The following SLC30A3 variants were observed in gnomAD, a reference collection of about 807,000 sequenced individuals.
SLC30A3 encodes probable proton-coupled zinc antiporter SLC30A3.
Under a neutral mutation model 35.6 loss-of-function variants are expected in SLC30A3, and 20 were observed. The ratio of observed to expected loss-of-function variants is 0.56; its 90% confidence interval spans 0.39 to 0.82. The LOEUF is 0.82. Ranked by LOEUF, SLC30A3 falls within the 40% of genes least tolerant of loss-of-function variation. The probability of loss-of-function intolerance (pLI) is 0.00; values close to 1 mark genes in which losing one functional copy is unlikely to be tolerated. For missense variants in SLC30A3, 401 were observed against 530.6 expected, an observed-to-expected ratio of 0.76 and a Z score of 2.40; for synonymous variants, 217 against 224.7, an observed-to-expected ratio of 0.97 and a Z score of 0.31.
At chr2:27,264,172 G>T (rs1434254100), upstream of SLC30A3, 1 of 720,800 alleles carries the variant, frequency 1.4e-6, no homozygotes, top group African/African-American at 1.8e-5. This position sits in a 1 kb window ranked among gnomAD's most constrained non-coding sequence, Gnocchi z 6.1. Context: ...AGGGGAGCGA[G>T]TGAGCAGGGA....
chr2:27,270,111 ATC>A (rs1677669995), intron 1 of SLC30A3, among the ~76,000 whole-genome samples: 1 of 152,200 alleles, frequency 6.6e-6, no homozygotes, highest in African/African-American at 2.4e-5. Flanking sequence ...CTGAAATTTT[ATC>A]TGTTATTCCT....
upstream of SLC30A3, chr2:27,275,459 G>A (rs1374847222): frequency 8.6e-6 from 3 of 347,720 alleles, no homozygotes; most frequent in Non-Finnish European, 5.7e-6. Context: ...TCGACGCTGC[G>A]CACAAGCGCA....
chr2:27,257,021 A>G lies in SLC30A3; in HGVS notation c.778-128T>C. ...GAAGAGGGGACAGGGAACATGACTC[A>G]TGTCTGGGAGAGTCCTGGGAGGTGG... is the stretch of plus-strand genomic sequence containing the variant. On this transcript the variant is annotated intron_variant, in intron 5 of 7. Transcript: ENST00000233535. This position sits in a 1 kb window ranked among gnomAD's most constrained non-coding sequence, Gnocchi z 4.7. 1.7e-6 allele frequency: 2 copies of G among 1,143,882 alleles called. No individual in the cohort carries two copies. Among genetic ancestry groups the G allele is most frequent in the Non-Finnish European group, 2.6e-6 (2 of 766,444 alleles). The allele number at this position is 1,143,882 out of a possible 1,614,324, so 70.9% of individuals were successfully genotyped here.
At chr2:27,266,529 T>C (rs543736544), upstream of SLC30A3, among the ~76,000 whole-genome samples, 6 of 152,338 alleles carry the variant, frequency 3.9e-5, no homozygotes, top group African/African-American at 1.4e-4. Context: ...TTGTTGAAGC[T>C]AGATTCTGGG....
intron 1 of SLC30A3, among the ~76,000 whole-genome samples, chr2:27,270,034 G>T (rs1191187513): frequency 1.3e-5 from 2 of 152,116 alleles, no homozygotes; most frequent in Non-Finnish European, 2.9e-5. Flanking sequence ...AGAAAGAAGT[G>T]ATTTAAGGGC....
Position 27,258,719 on chromosome 2 carries a change from G to A in SLC30A3, c.277+34C>T, listed in dbSNP as rs1677013463. The A allele has an allele frequency of 6.2e-7, 1 of 1,611,056 alleles. No individual in the cohort carries two copies. Among genetic ancestry groups the A allele is most frequent in the African/African-American group, 1.3e-5 (1 of 74,842 alleles). On this transcript the variant is annotated intron_variant, in intron 2 of 7. Transcript: ENST00000233535. The surrounding 1 kb of genome is among the most constrained non-coding windows in gnomAD (Gnocchi z 4.0). The stretch of plus-strand genomic sequence containing the variant: ...GGAGAGTGGCTTGGGCAGGTATTTG[G>A]AGAATGGGGTTTAAGGGCTGCTCCC...
upstream of SLC30A3, among the ~76,000 whole-genome samples, chr2:27,266,215 A>C (rs1395586033): frequency 6.6e-6 from 1 of 152,118 alleles, no homozygotes; most frequent in Admixed American, 6.5e-5. Flanking sequence ...GTGAGCCACC[A>C]TGCTGGGTCA....
At position 27,257,831 on chromosome 2, in the gene SLC30A3, G is replaced by A; in HGVS notation, c.578+74C>T. The A allele has an allele frequency of 6.9e-7, 1 of 1,449,894 alleles. No individual in the cohort carries two copies. The allele number at this position is 1,449,894 out of a possible 1,614,324, so 89.8% of individuals were successfully genotyped here. A position where few individuals can be genotyped will look rare whatever the true frequency, so the allele number is the denominator to read the frequency against. On this transcript the variant is annotated intron_variant, in intron 4 of 7. Coordinates refer to ENST00000233535, the MANE Select transcript of SLC30A3 (RefSeq NM_003459.5). This position sits in a 1 kb window ranked among gnomAD's most constrained non-coding sequence, Gnocchi z 4.7. ...CTGTGTGTCTGGTGGGGAGGAGAGA[G>A]CCAGCTCTCCCATCCTGGAGGAAGA...
rs780395038 is a variant in SLC30A3 at position 27,257,992 on chromosome 2, G to A, written c.491C>T (p.Ala164Val). 1.9e-6 allele frequency: 3 copies of A among 1,614,178 alleles called. No homozygotes were observed. The highest frequency in any genetic ancestry group is 2.5e-6 in the Non-Finnish European group (3 of 1,180,002). ...WMVTGILLYL[A>V]FVRLLHSDYH... ...GTCGCTGTGCAGCAGGCGGACGAAG[G>A]CCAGGTACAGGAGGATGCCAGTGAC... The change falls in exon 4 of 8, where the codon GCC (alanine) becomes GTC (valine). Residue 164 changes from alanine (A) to valine (V), a missense_variant. This residue lies in a region of SLC30A3 where 296 missense variants were observed against 392.6 expected (regional missense o/e 0.75). Transcript: ENST00000233535. This position sits in a 1 kb window ranked among gnomAD's most constrained non-coding sequence, Gnocchi z 4.7.
In SLC30A3 at chr2:27,256,533, CCA is replaced by C; in HGVS notation, c.884-15_884-14del. ...TTGCGGGGGGTACCTGCAACCAGCACCAGTCATGCCTTACTGCTAGGGCTACT... is the reference window on the plus strand; with the variant it reads ...TTGCGGGGGGTACCTGCAACCAGCACGTCATGCCTTACTGCTAGGGCTACT... On this transcript the variant is annotated splice_polypyrimidine_tract_variant and intron_variant, in intron 6 of 7. Transcript: ENST00000233535. 1 of 1,613,910 alleles carries C rather than the reference CCA, an allele frequency of 6.2e-7. No homozygotes were observed. The highest frequency in any genetic ancestry group is 1.1e-5 in the South Asian group (1 of 91,066).
Position 27,257,320 on chromosome 2 carries a change from G to C in SLC30A3, c.611C>G (p.Pro204Arg), listed in dbSNP as rs1240974631. 10 of 1,613,352 alleles carry C rather than the reference G, an allele frequency of 6.2e-6. No individual in the cohort carries two copies. Among genetic ancestry groups the C allele is most frequent in the South Asian group, 2.2e-5 (2 of 91,012 alleles). The change falls in exon 5 of 8, where the codon CCC (proline) becomes CGC (arginine). Residue 204 changes from proline to arginine, a missense_variant. By Grantham distance (103) the Pro-to-Arg change is moderately radical. Around this residue, in one of 3 missense-constraint regions of SLC30A3, gnomAD observed 296 missense variants for 392.6 expected, o/e 0.75. Coordinates refer to ENST00000233535, the MANE Select transcript of SLC30A3 (RefSeq NM_003459.5). The surrounding 1 kb of genome is among the most constrained non-coding windows in gnomAD (Gnocchi z 4.7). ...MAFVLHQAGP[P>R]HSHGSRGAEY... is the part of the protein sequence containing the mutation. ...TGCTCCCCTAGACCCGTGGCTGTGG[G>C]GGGGCCCAGCCTGGTGCAGCACAAA...
chr2:27,258,074 G>C lies in SLC30A3; in HGVS notation c.425-16C>G. ...CCCAGAGTCTCTGCGGGTGGGGGGG[G>C]AGACAAGCTGTCAGAGACCTGCTTG... On this transcript the variant is annotated splice_polypyrimidine_tract_variant and intron_variant, in intron 3 of 7. Transcript: ENST00000233535. The surrounding 1 kb of genome is among the most constrained non-coding windows in gnomAD (Gnocchi z 4.0). The C allele has an allele frequency of 2.5e-6, 4 of 1,613,402 alleles. No homozygotes were observed. The highest frequency in any genetic ancestry group is 3.4e-6 in the Non-Finnish European group (4 of 1,179,358).
intron 1 of SLC30A3, among the ~76,000 whole-genome samples, chr2:27,269,722 G>T (rs1677651830): frequency 6.6e-6 from 1 of 151,998 alleles, no homozygotes; most frequent in Non-Finnish European, 1.5e-5. Flanking sequence ...GCCAGGCATG[G>T]TGGTGCGCAC....
chr2:27,258,066 T>TG lies in SLC30A3; in HGVS notation c.425-9dup, dbSNP rs553643191. 311 of 1,610,088 alleles carry TG rather than the reference T, an allele frequency of 1.9e-4. No individual in the cohort carries two copies. The highest frequency in any genetic ancestry group is 5.6e-4 in the African/African-American group (42 of 74,468). On this transcript the variant is annotated splice_polypyrimidine_tract_variant and intron_variant, in intron 3 of 7. Coordinates refer to ENST00000233535, the MANE Select transcript of SLC30A3 (RefSeq NM_003459.5). The surrounding 1 kb of genome is among the most constrained non-coding windows in gnomAD (Gnocchi z 4.0). ...CCAAAGCCCCCAGAGTCTCTGCGGG[T>TG]GGGGGGGGAGACAAGCTGTCAGAGA...
chr2:27,275,644 G>C (rs990631364), upstream of SLC30A3: 4 of 196,386 alleles, frequency 2.0e-5, no homozygotes, highest in African/African-American at 7.0e-5. Context: ...TGCCTTGCTC[G>C]GTTCTCCTGG....
chr2:27,263,494 G>C, upstream of SLC30A3: 1 of 313,972 alleles, frequency 3.2e-6, no homozygotes, highest in Non-Finnish European at 6.7e-6. Context: ...CATGAGGTGA[G>C]CGGTGACACA....
In SLC30A3 at chr2:27,254,759, A is replaced by AACAC. The variant is rs371039560; in HGVS notation, c.*549_*552dup. On this transcript the variant is annotated 3_prime_UTR_variant, in exon 8 of 8. Coordinates refer to ENST00000233535, the MANE Select transcript of SLC30A3 (RefSeq NM_003459.5). ...GAGACACACAGGCCACAGCACCAAG[A>AACAC]ACACACACACACACACACACACACA... 4,319 of 176,252 alleles carry AACAC rather than the reference A, an allele frequency of 0.025. 74 individuals are homozygous for AACAC. Among genetic ancestry groups the AACAC allele is most frequent in the Non-Finnish European group, 0.035 (2,966 of 85,296 alleles). 10.9% of individuals were successfully genotyped at this position (176,252 alleles called of 1,614,324 possible).
At chr2:27,263,701 G>A (rs1329685272), upstream of SLC30A3, among the ~76,000 whole-genome samples, 1 of 150,402 alleles carries the variant, frequency 6.6e-6, no homozygotes, top group Non-Finnish European at 1.5e-5. Context: ...CCCAGAGGAA[G>A]AAGAGTCCAA....
At position 27,256,717 on chromosome 2, in the gene SLC30A3, A is replaced by G. The variant is rs75807688; in HGVS notation, c.883+71T>C. The G allele has an allele frequency of 1.7e-3, 2,304 of 1,326,812 alleles. 31 individuals carry two copies. The African/African-American group carries it at 0.03, about 17-fold the overall frequency. The allele number at this position is 1,326,812 out of a possible 1,614,324, so 82.2% of individuals were successfully genotyped here. ...CTTCCCGTACTATCTTCAAAGAAAA[A>G]AGTGATGGCCCACTGCGAGAGTAAA... On this transcript the variant is annotated intron_variant, in intron 6 of 7. Coordinates refer to ENST00000233535, the MANE Select transcript of SLC30A3 (RefSeq NM_003459.5).
Sources: allele counts gnomAD v4.1 joint callset (sites outside exome capture counted in the v4.1 genomes callset), GRCh38; gene constraint gnomAD v4.1.1; regional missense constraint gnomAD v4.1.1; non-coding constraint Gnocchi (gnomAD v3.1); transcripts MANE v1.5; gene names NCBI Gene and HGNC (gene_info 2026-07-23, HGNC 2026-07-21).